The following FILIP1L variants were observed in gnomAD, a reference collection of about 807,000 sequenced individuals.
The protein encoded by FILIP1L is filamin A-interacting protein 1-like.
Under a neutral mutation model 96.6 loss-of-function variants are expected in FILIP1L, and 55 were observed. The observed-to-expected ratio is 0.57, with a 90% CI of 0.46 to 0.71. The LOEUF (loss-of-function observed/expected upper bound fraction) is 0.71. Among genes scored for constraint, FILIP1L ranks in the 30% least tolerant of loss-of-function variants. The probability of loss-of-function intolerance (pLI) is 0.00; values close to 1 mark genes in which losing one functional copy is unlikely to be tolerated. For missense variants in FILIP1L, 1,304 were observed against 1,321.2 expected (o/e 0.99, Z 0.20); for synonymous variants, 467 against 473.9 (o/e 0.99, Z 0.19).
intron 4 of FILIP1L, among the ~76,000 whole-genome samples, chr3:99,869,394 A>G (rs1209499490): frequency 6.6e-6 from 1 of 152,234 alleles, no homozygotes; most frequent in African/African-American, 2.4e-5. Flanking sequence ...TGAAAGCCTC[A>G]AGAATAATAT....
chr3:100,054,898 G>GT (rs1279488824), intron 1 of FILIP1L, among the ~76,000 whole-genome samples: 2 of 152,204 alleles, frequency 1.3e-5, no homozygotes, highest in Non-Finnish European at 2.9e-5. Context: ...TTAGTCTCAT[G>GT]TTATTCTGTT....
At chr3:100,021,960 T>TGAGAGAGAGA (rs61630053) in intron 1 of FILIP1L, among the ~76,000 whole-genome samples, 9 of 93,288 alleles carry the variant, frequency 9.6e-5, no homozygotes, top group South Asian at 4.4e-4. Context: ...TGTGTGTGTG[T>TGAGAGAGAGA]GAGAGAGAGA....
At position 100,031,747 on chromosome 3, in the gene FILIP1L, T is replaced by G. The variant is rs190411922; in HGVS notation, c.-11+82306A>C. Among the ~76,000 whole-genome samples the G allele has an allele frequency of 3.8e-3, 573 of 152,286 alleles. 7 individuals are homozygous for G. Among genetic ancestry groups the G allele is most frequent in the African/African-American group, 0.013 (552 of 41,564 alleles). On this transcript the variant is annotated intron_variant, in intron 1 of 5. Coordinates refer to ENST00000477258, the MANE Select transcript of FILIP1L (RefSeq NM_001387850.1). The stretch of plus-strand genomic sequence containing the variant: ...GAGGGAGGACCTTGTATTTTACGTT[T>G]ATTTGCCTCACTTTCTCCAAAGGGA...
At position 99,849,690 on chromosome 3, in the gene FILIP1L, C is replaced by G. The variant is rs774173611; in HGVS notation, c.1986G>C (p.Arg662Ser). ...TEDEYETLERRYANERDKAQF... is the reference protein window; with the variant it reads ...TEDEYETLERSYANERDKAQF... ...GAGCTTTGTCTCGTTCATTAGCATA[C>G]CTTCGTTCTAGAGTCTCATATTCAT... The change falls in exon 5 of 6, where the codon AGG becomes AGC. Residue 662 changes from arginine to serine, a missense_variant. Coordinates refer to ENST00000477258, the MANE Select transcript of FILIP1L (RefSeq NM_001387850.1). 4 of 1,613,546 alleles carry G rather than the reference C, an allele frequency of 2.5e-6. No homozygotes were observed. The African/African-American group carries it at 5.3e-5, about 22-fold the overall frequency.
intron 4 of FILIP1L, among the ~76,000 whole-genome samples, chr3:99,886,309 G>A (rs951525464): frequency 7.0e-5 from 9 of 129,454 alleles, no homozygotes; most frequent in Non-Finnish European, 1.0e-4. Flanking sequence ...GGGAATGAGT[G>A]TAAAGCAGGG....
intron 1 of FILIP1L, among the ~76,000 whole-genome samples, chr3:100,104,041 T>C (rs533522996): frequency 3.1e-4 from 47 of 152,306 alleles, no homozygotes; most frequent in African/African-American, 9.6e-4. Context: ...TGTCACCAAA[T>C]TGGGGCTTCT....
chr3:99,937,824 G>C (rs1281860314), intron 1 of FILIP1L, among the ~76,000 whole-genome samples: 1 of 152,194 alleles, frequency 6.6e-6, no homozygotes, highest in Non-Finnish European at 1.5e-5. Flanking sequence ...TGAAGTAGCT[G>C]TGTATAGACC....
chr3:100,003,247 A>C (rs191445718), intron 1 of FILIP1L, among the ~76,000 whole-genome samples: 1 of 152,226 alleles, frequency 6.6e-6, no homozygotes, highest in Admixed American at 6.5e-5. Flanking sequence ...AGAAAATAAA[A>C]GAATGTTAGA....
At chr3:100,001,480 A>T (rs1709840722) in intron 1 of FILIP1L, among the ~76,000 whole-genome samples, 1 of 152,158 alleles carries the variant, frequency 6.6e-6, no homozygotes, top group Admixed American at 6.5e-5. Context: ...GAACAACCCA[A>T]CTGAGCCCAG....
intron 1 of FILIP1L, among the ~76,000 whole-genome samples, chr3:99,984,054 G>GTGTGTGTGTGTGTGTGTGTGTT (rs1256455306): frequency 3.3e-5 from 5 of 151,782 alleles, no homozygotes; most frequent in African/African-American, 7.3e-5. Context: ...GTATATGTAT[G>GTGTGTGTGTGTGTGTGTGTGTT]TGTGTTTGTG....
intron 1 of FILIP1L, chr3:100,109,965 C>T (rs939350867): frequency 2.1e-5 from 3 of 142,308 alleles, no homozygotes; most frequent in African/African-American, 7.9e-5. Flanking sequence ...TACCCATACC[C>T]ACCCTTCAAA....
chr3:99,853,538 G>A (rs1414834021), intron 4 of FILIP1L, among the ~76,000 whole-genome samples: 1 of 152,164 alleles, frequency 6.6e-6, no homozygotes, highest in Non-Finnish European at 1.5e-5. Flanking sequence ...AAAAGGTTTA[G>A]AAAAAAATTC....
chr3:99,905,668 C>T (rs558972729), intron 4 of FILIP1L, among the ~76,000 whole-genome samples: 54 of 152,294 alleles, frequency 3.5e-4, no homozygotes, highest in Admixed American at 3.3e-4. Context: ...TCCAACTCTG[C>T]CACTAGCCTC....
At chr3:99,883,321 C>T (rs748966416) in intron 4 of FILIP1L, among the ~76,000 whole-genome samples, 6 of 152,164 alleles carry the variant, frequency 3.9e-5, no homozygotes, top group Non-Finnish European at 7.3e-5. Flanking sequence ...TGAATAAATG[C>T]GTTGCTTTGA....
At chr3:100,039,771 T>TTTA (rs2065171337) in intron 1 of FILIP1L, 1 of 151,566 alleles carries the variant, frequency 6.6e-6, no homozygotes. Flanking sequence ...TTTTTTTTTT[T>TTTA]GAGATGGAGT....
intron 1 of FILIP1L, among the ~76,000 whole-genome samples, chr3:99,996,858 T>G (rs944774310): frequency 6.6e-6 from 1 of 150,862 alleles, no homozygotes; most frequent in Non-Finnish European, 1.5e-5. Flanking sequence ...GGGAGTACAA[T>G]TCAAGATGAG....
At chr3:99,835,032 A>G (rs1942840282) in intron 5 of FILIP1L, among the ~76,000 whole-genome samples, 1 of 152,064 alleles carries the variant, frequency 6.6e-6, no homozygotes, top group African/African-American at 2.4e-5. Flanking sequence ...CTTTTTCCTT[A>G]TATCACTTCT....
At chr3:99,835,220 C>G (rs1289563724) in intron 5 of FILIP1L, among the ~76,000 whole-genome samples, 1 of 152,184 alleles carries the variant, frequency 6.6e-6, no homozygotes, top group South Asian at 2.1e-4. Context: ...TACTTCTAAT[C>G]ACCTTTGACC....
rs115854314 is a variant in FILIP1L at position 99,836,844 on chromosome 3, C to T, written c.3382-6239G>A. The stretch of plus-strand genomic sequence containing the variant: ...CTGGCTGGCCCCTCAGCCATTGTGT[C>T]TGAACCAATCAGACAAATTACATAA... On this transcript the variant is annotated intron_variant, in intron 5 of 5. Transcript: ENST00000477258. Among the ~76,000 whole-genome samples the T allele has an allele frequency of 3.8e-3, 577 of 152,332 alleles. 1 individual carries two copies. Among genetic ancestry groups the T allele is most frequent in the African/African-American group, 0.013 (553 of 41,566 alleles).
Sources: gnomAD v4.1 joint callset for allele counts (sites outside exome capture counted in the v4.1 genomes callset) on GRCh38, gnomAD v4.1.1 for gene constraint, MANE v1.5 for transcripts, NCBI Gene and HGNC (gene_info 2026-07-23, HGNC 2026-07-21) for gene names.